SPTLC2: variants seen among roughly 807,000 people sequenced by gnomAD.
The protein encoded by SPTLC2 is serine palmitoyltransferase long chain base subunit 2.
Under a neutral mutation model 62.0 loss-of-function variants are expected in SPTLC2, and 21 were observed. That is an observed-to-expected ratio of 0.34 (90% CI 0.24 to 0.49). The LOEUF (loss-of-function observed/expected upper bound fraction) is 0.49, where lower values mean the gene tolerates loss of function less well. Among genes scored for constraint, SPTLC2 ranks in the 20% least tolerant of loss-of-function variants. SPTLC2 has a pLI of 0.99. For missense variants in SPTLC2, 511 were observed against 713.0 expected (o/e 0.72, Z 3.23); for synonymous variants, 261 against 261.8 (o/e 1.00, Z 0.03).
intron 9 of SPTLC2, among the ~76,000 whole-genome samples, chr14:77,526,789 T>C (rs1481409774): frequency 7.1e-6 from 1 of 140,732 alleles, no homozygotes; most frequent in Non-Finnish European, 1.5e-5. Context: ...CATCATTAGA[T>C]TATTTAGTTC....
chr14:77,530,828 T>A (rs2079434539), intron 9 of SPTLC2, among the ~76,000 whole-genome samples: 4 of 152,188 alleles, frequency 2.6e-5, no homozygotes, highest in Admixed American at 2.6e-4. Flanking sequence ...AGCTCCTGTA[T>A]TGCTAGGATT....
At chr14:77,592,764 G>A (rs779997201) in intron 2 of SPTLC2, among the ~76,000 whole-genome samples, 17 of 152,006 alleles carry the variant, frequency 1.1e-4, no homozygotes, top group Non-Finnish European at 2.4e-4. Flanking sequence ...CCCACCACAA[G>A]TGTCATTTTC....
At position 77,580,126 on chromosome 14, in the gene SPTLC2, G is replaced by A. The variant is rs1186735789; in HGVS notation, c.328-1017C>T. Among the ~76,000 whole-genome samples the A allele has an allele frequency of 2.0e-5, 3 of 151,888 alleles. No homozygotes were observed. The East Asian group carries it at 5.8e-4, about 29-fold the overall frequency. ...ATTCCATCCTTTGCATATTTTCAAG[G>A]ATCAAAATGAAACAAATCCAAAGAG... On this transcript the variant is annotated intron_variant, in intron 2 of 11. Transcript: ENST00000216484.
chr14:77,542,063 G>GGAAAA (rs572871955), intron 9 of SPTLC2, among the ~76,000 whole-genome samples: 1 of 120,460 alleles, frequency 8.3e-6, no homozygotes, highest in African/African-American at 3.0e-5. Flanking sequence ...TCTGTGTCCG[G>GGAAAA]AAAAAAAAAA....
In SPTLC2 at chr14:77,586,162, G is replaced by A. The variant is rs1457101521; in HGVS notation, c.328-7053C>T. Among the ~76,000 whole-genome samples the A allele has an allele frequency of 3.4e-5, 5 of 147,292 alleles. No individual in the cohort carries two copies. The South Asian group carries it at 6.4e-4, about 19-fold the overall frequency. ...GCAATCTAGACTCACTGCAACATTCGCCTCCTGGGTTCAAGCAATTCTCGT... is the reference window on the plus strand; with the variant it reads ...GCAATCTAGACTCACTGCAACATTCACCTCCTGGGTTCAAGCAATTCTCGT... On this transcript the variant is annotated intron_variant, in intron 2 of 11. Coordinates refer to ENST00000216484, the MANE Select transcript of SPTLC2 (RefSeq NM_004863.4).
At chr14:77,550,530 A>G (rs1216226581) in intron 9 of SPTLC2, among the ~76,000 whole-genome samples, 2 of 152,166 alleles carry the variant, frequency 1.3e-5, no homozygotes, top group Non-Finnish European at 2.9e-5. Flanking sequence ...AGCCAAGATC[A>G]TGCCATTGCA....
In SPTLC2 at chr14:77,512,102, AT is replaced by A; in HGVS notation, c.*181del. On this transcript the variant is annotated 3_prime_UTR_variant, in exon 12 of 12. Coordinates refer to ENST00000216484, the MANE Select transcript of SPTLC2 (RefSeq NM_004863.4). ...AAAGGTGAGATTTAGCAAAGGAAGG[AT>A]TAGAAGCAGTTTTTTACTATTTACA... is the stretch of plus-strand genomic sequence containing the variant. 1.3e-6 allele frequency: 1 copy of A among 750,302 alleles called. No homozygotes were observed. The highest frequency in any genetic ancestry group is 2.2e-6 in the Non-Finnish European group (1 of 463,988). The allele number at this position is 750,302 out of a possible 1,614,324, so 46.5% of individuals were successfully genotyped here. A position where few individuals can be genotyped will look rare whatever the true frequency, so the allele number is the denominator to read the frequency against.
Position 77,511,702 on chromosome 14 carries a change from C to T in SPTLC2, c.*582G>A, listed in dbSNP as rs1262158800. The T allele has an allele frequency of 6.1e-6, 1 of 164,116 alleles. No individual in the cohort carries two copies. Among genetic ancestry groups the T allele is most frequent in the Non-Finnish European group, 1.3e-5 (1 of 74,388 alleles). 10.2% of individuals were successfully genotyped at this position (164,116 alleles called of 1,614,324 possible). A position where few individuals can be genotyped will look rare whatever the true frequency, so the allele number is the denominator to read the frequency against. On this transcript the variant is annotated 3_prime_UTR_variant, in exon 12 of 12. Transcript: ENST00000216484. ...AACCCTTGGGAGATTACACAATGAG[C>T]CTTTCAGCAGTCATCGCTTACTGTT... is the stretch of plus-strand genomic sequence containing the variant.
At chr14:77,533,016 A>G (rs1194195009) in intron 9 of SPTLC2, among the ~76,000 whole-genome samples, 3 of 151,366 alleles carry the variant, frequency 2.0e-5, no homozygotes, top group Non-Finnish European at 4.4e-5. Flanking sequence ...TTTAAATGTC[A>G]GCTGGGCACA....
intron 9 of SPTLC2, among the ~76,000 whole-genome samples, chr14:77,538,182 A>C (rs1379450803): frequency 6.6e-6 from 1 of 152,184 alleles, no homozygotes; most frequent in Non-Finnish European, 1.5e-5. Context: ...AAAGCTTTTG[A>C]GGTTTTCCTT....
intron 1 of SPTLC2, among the ~76,000 whole-genome samples, chr14:77,610,113 T>A (rs762561969): frequency 4.2e-5 from 6 of 144,502 alleles, no homozygotes; most frequent in Admixed American, 1.4e-4. Flanking sequence ...GCAATCCTAG[T>A]GGTGTGAAAT....
chr14:77,552,032 A>C, intron 9 of SPTLC2, 64 bp downstream of exon 9: 1 of 1,601,078 alleles, frequency 6.2e-7, no homozygotes. Flanking sequence ...AAAAAGCTCA[A>C]GAAAAACAGC....
chr14:77,589,556 G>A (rs1053782842), intron 2 of SPTLC2, among the ~76,000 whole-genome samples: 5 of 151,224 alleles, frequency 3.3e-5, no homozygotes, highest in Non-Finnish European at 5.9e-5. Flanking sequence ...TTGGGAGGTC[G>A]AGGTGGGCAG....
At chr14:77,583,542 C>T (rs1336488621) in intron 2 of SPTLC2, among the ~76,000 whole-genome samples, 2 of 152,146 alleles carry the variant, frequency 1.3e-5, no homozygotes, top group African/African-American at 4.8e-5. Context: ...GTGATAGCCC[C>T]ACTATTCCGA....
Position 77,560,636 on chromosome 14 carries a change from T to A in SPTLC2, c.850+1760A>T, listed in dbSNP as rs981375473. Among the ~76,000 whole-genome samples, 12 of 150,872 alleles carry A rather than the reference T, an allele frequency of 8.0e-5. 1 individual carries two copies. Among genetic ancestry groups the A allele is most frequent in the African/African-American group, 2.9e-4 (12 of 41,162 alleles). The stretch of plus-strand genomic sequence containing the variant: ...TCTCAAAAATAAAAATAAAAATATA[T>A]ATATATATATGTACATATACACCAT... On this transcript the variant is annotated intron_variant, in intron 6 of 11. Coordinates refer to ENST00000216484, the MANE Select transcript of SPTLC2 (RefSeq NM_004863.4).
At chr14:77,580,477 C>CTAAA (rs1566786498) in intron 2 of SPTLC2, among the ~76,000 whole-genome samples, 1 of 109,868 alleles carries the variant, frequency 9.1e-6, no homozygotes. Context: ...GACTCCATAT[C>CTAAA]AAAAAAAAAA....
In SPTLC2 at chr14:77,564,636, G is replaced by T. The variant is rs1033607950; in HGVS notation, c.757-2147C>A. 5.3e-5 allele frequency among the ~76,000 whole-genome samples: 8 copies of T among 151,918 alleles called. No homozygotes were observed. In the South Asian group the frequency reaches 1.0e-3, roughly 20 times the overall value. On this transcript the variant is annotated intron_variant, in intron 5 of 11. Transcript: ENST00000216484. ...GGAGAACTGGTTAATTCCAAAACTG[G>T]GATAGGGAAAATATAAGATGATCCT... is the stretch of plus-strand genomic sequence containing the variant.
intron 11 of SPTLC2, among the ~76,000 whole-genome samples, 174 bp from the exon 12 acceptor site, chr14:77,512,577 C>A (rs1054170166): frequency 1.3e-5 from 2 of 152,214 alleles, no homozygotes; most frequent in African/African-American, 4.8e-5. Context: ...GCTTTTTGAA[C>A]AAGGCCTTCA....
At chr14:77,597,475 T>G in intron 1 of SPTLC2, 95 bp from the exon 2 acceptor site, 1 of 1,237,302 alleles carries the variant, frequency 8.1e-7, no homozygotes, top group Admixed American at 2.1e-5. Context: ...AATTATACCT[T>G]AAGAATTTTC....
Sources: gnomAD v4.1 joint callset for allele counts (sites outside exome capture counted in the v4.1 genomes callset) on GRCh38, gnomAD v4.1.1 for gene constraint, MANE v1.5 for transcripts, NCBI Gene and HGNC (gene_info 2026-07-23, HGNC 2026-07-21) for gene names.